The following KMT2D variants were observed in gnomAD, a reference collection of about 807,000 sequenced individuals.
KMT2D encodes histone-lysine N-methyltransferase 2D.
KMT2D carries 55 observed loss-of-function variants against 512.7 expected under a neutral mutation model. That is an observed-to-expected ratio of 0.11 (90% confidence interval 0.09 to 0.13). KMT2D has a LOEUF of 0.13. KMT2D is among the 10% of genes least tolerant of loss of function. The probability of loss-of-function intolerance (pLI) is 1.00; values close to 1 mark genes in which losing one functional copy is unlikely to be tolerated. For synonymous variants in KMT2D, 2,995 were observed against 2,904.0 expected (o/e 1.03, Z -1.01); for missense variants, 6,061 against 7,127.9 (o/e 0.85, Z 5.39).
chr12:49,054,129 G>C lies in KMT2D; in HGVS notation c.522C>G (p.His174Gln). Residue 174 changes from histidine to glutamine, a missense_variant, in exon 6 of 55, where the codon CAC becomes CAG. By Grantham distance (24) the His-to-Gln change is conservative (BLOSUM62 0). This residue lies in a region of KMT2D where 160 missense variants were observed against 225.8 expected (regional missense o/e 0.71). Coordinates refer to ENST00000301067, the MANE Select transcript of KMT2D (RefSeq NM_003482.4). This position sits in a 1 kb window ranked among gnomAD's most constrained non-coding sequence, Gnocchi z 6.4. The part of the protein sequence containing the change: ...IFSGISQRCS[H>Q]CTRLGASIPC... ...GGATGGAGGCACCGAGCCTGGTGCAGTGGGAGCAGCGCTGCCAGGGTGAAA... is the reference window on the plus strand; with the variant it reads ...GGATGGAGGCACCGAGCCTGGTGCACTGGGAGCAGCGCTGCCAGGGTGAAA... 1 of 1,609,024 alleles carries C rather than the reference G, an allele frequency of 6.2e-7. No homozygotes were observed. The highest frequency in any genetic ancestry group is 8.5e-7 in the Non-Finnish European group (1 of 1,177,590).
Position 49,029,393 on chromosome 12 carries a change from G to GC in KMT2D, c.14075+7dup, listed in dbSNP as rs1942773621. The GC allele has an allele frequency of 6.4e-7, 1 of 1,556,234 alleles. No individual in the cohort carries two copies. The stretch of plus-strand genomic sequence containing the variant: ...GTTCCTCATCCCCATTTCTGGCCCC[G>GC]CCCCTACCTGACATCCTCAGTCTGA... On this transcript the variant is annotated splice_region_variant and intron_variant, in intron 44 of 54. Transcript: ENST00000301067.
chr12:49,060,342 TC>T lies in KMT2D; in HGVS notation c.-768del, dbSNP rs977888970. ...GGTGCGAGCCCTCTGCCCGCTCCCCTCCGGCCGCTCCAGGCCCTGCGCTCGC... is the reference window on the plus strand; with the variant it reads ...GGTGCGAGCCCTCTGCCCGCTCCCCTCGGCCGCTCCAGGCCCTGCGCTCGC... On this transcript the variant is annotated 5_prime_UTR_variant, in exon 1 of 55. Transcript: ENST00000301067. 1.3e-5 allele frequency among the ~76,000 whole-genome samples: 2 copies of T among 151,480 alleles called. No homozygotes were observed. The highest frequency in any genetic ancestry group is 6.6e-5 in the Admixed American group (1 of 15,238).
Position 49,031,711 on chromosome 12 carries a change from T to C in KMT2D, c.12994A>G (p.Thr4332Ala). ...QLPSPSSQLP[T>A]EAQLPPTHPG... Reference sequence around the variant, plus strand: ...TGGGTGGGAGGGAGCTGGGCCTCAGTGGGAAGCTGGGAGCTGGGGGAAGGT... The same window carrying C: ...TGGGTGGGAGGGAGCTGGGCCTCAGCGGGAAGCTGGGAGCTGGGGGAAGGT... Residue 4332 changes from threonine to alanine, a missense_variant, in exon 40 of 55, where the codon ACT becomes GCT. By Grantham distance (58) the Thr-to-Ala change is moderately conservative (BLOSUM62 0). This residue lies in a region of KMT2D where 1,600 missense variants were observed against 1,754.9 expected (regional missense o/e 0.91). Transcript: ENST00000301067. The C allele has an allele frequency of 1.2e-6, 2 of 1,612,536 alleles. No homozygotes were observed. The highest frequency in any genetic ancestry group is 1.7e-6 in the Non-Finnish European group (2 of 1,179,390).
Position 49,038,951 on chromosome 12 carries a change from G to A in KMT2D, c.8405C>T (p.Ala2802Val), listed in dbSNP as rs1239905273. 8.4e-6 allele frequency: 13 copies of A among 1,551,668 alleles called. No homozygotes were observed. Among genetic ancestry groups the A allele is most frequent in the East Asian group, 2.4e-5 (1 of 40,932 alleles). The part of the protein sequence containing the change: ...VGGSQAFYQR[A>V]PYPGSLPLQQ... ...TAAGGGCAGGGACCCAGGATAGGGT[G>A]CTCGCTGATAGAAAGCTTGGGAGCC... Residue 2802 changes from alanine to valine, a missense_variant, in exon 35 of 55, where the codon GCA becomes GTA. Transcript: ENST00000301067. The surrounding 1 kb of genome is among the most constrained non-coding windows in gnomAD (Gnocchi z 5.7).
Position 49,032,984 on chromosome 12 carries a change from T to TTGCAGC in KMT2D, c.11715_11720dup (p.Leu3906_Gln3907dup). On this transcript the variant is annotated inframe_insertion, in exon 40 of 55. Coordinates refer to ENST00000301067, the MANE Select transcript of KMT2D (RefSeq NM_003482.4). ...GCTGCTGCTGAAGTTGCTGTTGCTG[T>TTGCAGC]TGCAGCTGCTGCTGCTGCTGAAGCT... 6.4e-7 allele frequency: 1 copy of TTGCAGC among 1,550,922 alleles called. No individual in the cohort carries two copies.
Position 49,055,292 on chromosome 12 carries a change from T to G in KMT2D, c.33A>C (p.Lys11Asn), listed in dbSNP as rs754250785. The G allele has an allele frequency of 1.2e-6, 2 of 1,614,042 alleles. No individual in the cohort carries two copies. Among genetic ancestry groups the G allele is most frequent in the East Asian group, 2.2e-5 (1 of 44,890 alleles). ...CCTACTCACCTGCCGGTTCTGAATCTTTATCCTCACCAGCCAGCTTCTGGC... is the reference window on the plus strand; with the variant it reads ...CCTACTCACCTGCCGGTTCTGAATCGTTATCCTCACCAGCCAGCTTCTGGC... MDSQKLAGED[K>N]DSEPAADGPA... Residue 11 changes from lysine (K) to asparagine (N), a missense_variant, in exon 2 of 55, where the codon AAA (lysine) becomes AAC (asparagine). Lys to Asn is a moderately conservative substitution (Grantham distance 94). Around this residue, in one of 16 missense-constraint regions of KMT2D, gnomAD observed 144 missense variants for 165.7 expected, o/e 0.87. Coordinates refer to ENST00000301067, the MANE Select transcript of KMT2D (RefSeq NM_003482.4).
chr12:49,032,187 G>A lies in KMT2D; in HGVS notation c.12518C>T (p.Pro4173Leu). The change falls in exon 40 of 55, where the codon CCC becomes CTC. Residue 4173 changes from proline (P) to leucine (L), a missense_variant. Coordinates refer to ENST00000301067, the MANE Select transcript of KMT2D (RefSeq NM_003482.4). ...AGACTGGAGGACAGGTCCTGGTTTG[G>A]GAGGTTGTGGCCCTGTATTATTTTG... ...PMQNNTGPQP[P>L]KPGPVLQSGQ... is the part of the protein sequence containing the mutation. 1.2e-6 allele frequency: 2 copies of A among 1,612,930 alleles called. No individual in the cohort carries two copies. The highest frequency in any genetic ancestry group is 1.7e-6 in the Non-Finnish European group (2 of 1,179,166).
rs776004829 is a variant in KMT2D, at chr12:49,031,889, G to A, written c.12816C>T (p.Gly4272=). 1 of 1,533,410 alleles carries A rather than the reference G, an allele frequency of 6.5e-7. No homozygotes were observed. The highest frequency in any genetic ancestry group is 1.3e-5 in the South Asian group (1 of 77,238). 95.0% of individuals were successfully genotyped at this position (1,533,410 alleles called of 1,614,324 possible). The change falls in exon 40 of 55, where the codon GGC becomes GGT. Residue 4272 remains glycine (G), a synonymous_variant. Transcript: ENST00000301067. ...QLGGFPGPQT[G]PLQELGAGPR... The stretch of plus-strand genomic sequence containing the variant: ...GCCCTGCCCCTAGCTCCTGGAGGGG[G>A]CCTGTCTGTGGTCCAGGGAAGCCCC...
At chr12:49,056,421 T>C (rs1356714593) in intron 1 of KMT2D, among the ~76,000 whole-genome samples, 1 of 152,112 alleles carries the variant, frequency 6.6e-6, no homozygotes, top group Non-Finnish European at 1.5e-5. Flanking sequence ...GGGCATTATT[T>C]TCCTAGATCT....
chr12:49,049,287 CAGA>C (rs1465971659), intron 12 of KMT2D, 69 bp from the exon 13 acceptor site: 16 of 991,158 alleles, frequency 1.6e-5, no homozygotes, highest in East Asian at 1.0e-4. Context: ...CACACTTGAA[CAGA>C]AGAAGTGACA....
rs773998853 is a variant in KMT2D at position 49,034,794 on chromosome 12, T to A, written c.10355+18A>T. 1 of 1,611,888 alleles carries A rather than the reference T, an allele frequency of 6.2e-7. No homozygotes were observed. The highest frequency in any genetic ancestry group is 1.1e-5 in the South Asian group (1 of 91,064). ...TGGGAAAGAAAAGGGCCAACCCCAT[T>A]CCAGCCCTGAGTCTTACCTGTTCAT... On this transcript the variant is annotated intron_variant, in intron 36 of 54. Transcript: ENST00000301067.
At position 49,034,730 on chromosome 12, in the gene KMT2D, G is replaced by A. The variant is rs139100993; in HGVS notation, c.10356-64C>T. On this transcript the variant is annotated intron_variant, in intron 36 of 54. Transcript: ENST00000301067. ...TAAGAAAGTTGGAAAGCAAAGAGAC[G>A]TGGGACAAGTAGGGAGGGGAGCCAA... The A allele has an allele frequency of 6.1e-3, 9,798 of 1,606,644 alleles. 46 individuals are homozygous for A. The highest frequency in any genetic ancestry group is 7.5e-3 in the Non-Finnish European group (8,856 of 1,174,454).
chr12:49,019,823 A>T lies in KMT2D; in HGVS notation c.*1957T>A. On this transcript the variant is annotated 3_prime_UTR_variant, in exon 55 of 55. Coordinates refer to ENST00000301067, the MANE Select transcript of KMT2D (RefSeq NM_003482.4). ...AAAAAAAAAAAATCTCCCTACCCCC[A>T]ACAATCCACAACCCCCCAAATTCAA... 1 of 187,192 alleles carries T rather than the reference A, an allele frequency of 5.3e-6. No homozygotes were observed. The highest frequency in any genetic ancestry group is 2.4e-5 in the African/African-American group (1 of 42,152). The allele number at this position is 187,192 out of a possible 1,614,324, so 11.6% of individuals were successfully genotyped here. A position where few individuals can be genotyped will look rare whatever the true frequency, so the allele number is the denominator to read the frequency against.
At chr12:49,059,571 G>C (rs1232983840) in intron 1 of KMT2D, 42 bp downstream of exon 1, 2 of 152,370 alleles carry the variant, frequency 1.3e-5, no homozygotes, top group Non-Finnish European at 2.9e-5. Context: ...TGTGCCCCCA[G>C]TCCAACCCTT....
rs574134747 is a variant in KMT2D, at chr12:49,048,760, T to C, written c.4030A>G (p.Ile1344Val). 92 of 1,602,116 alleles carry C rather than the reference T, an allele frequency of 5.7e-5. No individual in the cohort carries two copies. The South Asian group carries it at 8.7e-4, about 15-fold the overall frequency. ...TCCTCCTTACTGGGAGAGCTATCAA[T>C]GTCAGCAACCTGATGGGCAGAGAGT... ...SSIETLVVAD[I>V]DSSPSKEEEE... Residue 1344 changes from isoleucine to valine, a missense_variant, in exon 14 of 55, where the codon ATT becomes GTT. Transcript: ENST00000301067.
At chr12:49,055,124 C>G in intron 2 of KMT2D, 98 bp from the exon 3 acceptor site, 1 of 1,562,812 alleles carries the variant, frequency 6.4e-7, no homozygotes, top group East Asian at 2.2e-5. Context: ...CTGAGTGGAT[C>G]AGAGTGATGA....
rs1331296826 is a variant in KMT2D at position 49,037,486 on chromosome 12, G to A, written c.9870C>T (p.Gly3290=). Residue 3290 remains glycine (G), a synonymous_variant, in exon 35 of 55, where the codon GGC becomes GGT. Transcript: ENST00000301067. ...GTGGCAAAGACATGGCCTGGGCAGG[G>A]CCTGGTGCAGACAGTAGGGAATGCT... ...QQQHSLLSAP[G]PAQAMSLPHE... is the part of the protein sequence containing the mutation. 6.4e-7 allele frequency: 1 copy of A among 1,560,204 alleles called. No individual in the cohort carries two copies. The highest frequency in any genetic ancestry group is 1.2e-5 in the South Asian group (1 of 84,802).
In KMT2D at chr12:49,021,377, G is replaced by A. The variant is rs540400969; in HGVS notation, c.*403C>T. 1.8e-5 allele frequency: 5 copies of A among 273,714 alleles called. No homozygotes were observed. Among genetic ancestry groups the A allele is most frequent in the South Asian group, 1.2e-4 (1 of 8,664 alleles). 17.0% of individuals were successfully genotyped at this position (273,714 alleles called of 1,614,324 possible). A position where few individuals can be genotyped will look rare whatever the true frequency, so the allele number is the denominator to read the frequency against. On this transcript the variant is annotated 3_prime_UTR_variant, in exon 55 of 55. Coordinates refer to ENST00000301067, the MANE Select transcript of KMT2D (RefSeq NM_003482.4). ...AGCTTAGTCAAGTCTCTTTGCAGCC[G>A]TGAGTTGGGCCGGAGAGGTCAGTGG...
chr12:49,033,866 G>T lies in KMT2D; in HGVS notation c.10839C>A (p.His3613Gln). The change falls in exon 40 of 55, where the codon CAC (histidine) becomes CAA (glutamine). Residue 3613 changes from histidine (H) to glutamine (Q), a missense_variant. Around this residue, in one of 16 missense-constraint regions of KMT2D, gnomAD observed 1,600 missense variants for 1,754.9 expected, o/e 0.91. Coordinates refer to ENST00000301067, the MANE Select transcript of KMT2D (RefSeq NM_003482.4). ...QQQQQQQQQQ[H>Q]SAVLALSPSQ... ...AAGGGCTGAGAGCCAGCACAGCTGA[G>T]TGCTGTTGCTGTTGTTGCTGCTGCT... The T allele has an allele frequency of 6.4e-7, 1 of 1,555,658 alleles. No individual in the cohort carries two copies. The highest frequency in any genetic ancestry group is 8.7e-7 in the Non-Finnish European group (1 of 1,151,884).
Sources: gnomAD v4.1 joint callset for allele counts (sites outside exome capture counted in the v4.1 genomes callset) on GRCh38, gnomAD v4.1.1 for gene constraint, gnomAD v4.1.1 regional missense constraint, Gnocchi (gnomAD v3.1) non-coding constraint, MANE v1.5 for transcripts, NCBI Gene and HGNC (gene_info 2026-07-23, HGNC 2026-07-21) for gene names.